RNF10: variants seen among roughly 807,000 people sequenced by gnomAD.
RNF10 encodes the protein E3 ubiquitin-protein ligase RNF10.
RNF10 carries 38 observed loss-of-function variants against 91.4 expected under a neutral mutation model. That is an observed-to-expected ratio of 0.42 (90% CI 0.32 to 0.54). RNF10 has a LOEUF of 0.54. Ranked by LOEUF, RNF10 falls within the 20% of genes least tolerant of loss-of-function variation. RNF10 has a pLI of 0.16. For missense variants in RNF10, 945 were observed against 1,012.0 expected (o/e 0.93, Z 0.90); for synonymous variants, 364 against 366.3 (o/e 0.99, Z 0.07).
intron 13 of RNF10, among the ~76,000 whole-genome samples, chr12:120,569,998 T>A (rs1876383021): frequency 6.6e-6 from 1 of 152,120 alleles, no homozygotes; most frequent in African/African-American, 2.4e-5. Flanking sequence ...GTTCAAGCGA[T>A]TCTCCTGCCC....
At chr12:120,571,519 A>G (rs1565972615) in intron 14 of RNF10, among the ~76,000 whole-genome samples, 1 of 152,088 alleles carries the variant, frequency 6.6e-6, no homozygotes, top group Non-Finnish European at 1.5e-5. Flanking sequence ...GGAAAAGGAG[A>G]GACTTAACAG....
intron 14 of RNF10, chr12:120,574,402 C>T (rs765682614): frequency 3.1e-4 from 141 of 455,278 alleles, no homozygotes; most frequent in Non-Finnish European, 5.4e-4. Flanking sequence ...CAAAGCTGGC[C>T]TTGGCCAAGT....
chr12:120,561,031 A>C (rs1205715927), intron 7 of RNF10, 145 bp downstream of exon 7: 4 of 861,466 alleles, frequency 4.6e-6, no homozygotes, highest in Non-Finnish European at 6.8e-6. Flanking sequence ...CATTTAAGAC[A>C]ATAAGCAGAG....
rs142236423 is a variant in RNF10 at position 120,573,529 on chromosome 12, A to G, written c.2143-2102A>G. Among the ~76,000 whole-genome samples the G allele has an allele frequency of 8.0e-4, 121 of 152,190 alleles. 1 individual carries two copies. Among genetic ancestry groups the G allele is most frequent in the African/African-American group, 2.7e-3 (113 of 41,504 alleles). ...AATTCACATGTCAAACTATTTGGAT[A>G]CTGTCTCAGTCCATTTGTGTGGGTA... On this transcript the variant is annotated intron_variant, in intron 14 of 16. Transcript: ENST00000325954.
chr12:120,543,925 C>T (rs1042384407), intron 1 of RNF10, among the ~76,000 whole-genome samples: 9 of 152,054 alleles, frequency 5.9e-5, no homozygotes, highest in African/African-American at 2.2e-4. Context: ...CCACTGCTTT[C>T]CACCCTGGGG....
chr12:120,576,516 C>G (rs1461551020), intron 16 of RNF10, 74 bp from the exon 17 acceptor site: 1 of 1,553,570 alleles, frequency 6.4e-7, no homozygotes, highest in Admixed American at 2.1e-5. Flanking sequence ...CTCTGTGACT[C>G]TCAGTAATGA....
chr12:120,560,634 A>G (rs775534719), intron 6 of RNF10, 92 bp from the exon 7 acceptor site: 7 of 1,265,178 alleles, frequency 5.5e-6, no homozygotes, highest in Middle Eastern at 2.2e-4. Context: ...TTTTCACCCC[A>G]GAGAAAAGGC....
At chr12:120,547,780 TG>T (rs1872536079) in intron 2 of RNF10, among the ~76,000 whole-genome samples, 1 of 152,198 alleles carries the variant, frequency 6.6e-6, no homozygotes, top group Non-Finnish European at 1.5e-5. Flanking sequence ...TGAAGGACTT[TG>T]GCTTTTGTTC....
chr12:120,574,372 A>G, intron 14 of RNF10: 1 of 447,488 alleles, frequency 2.2e-6, no homozygotes, highest in Non-Finnish European at 4.5e-6. Flanking sequence ...GTTGGGGCTC[A>G]TAGTGGCCTT....
chr12:120,534,547 C>G lies in RNF10; in HGVS notation c.-265C>G, dbSNP rs887551528. ...CAACCTCCCTCGCCTCCCCTTCCCC[C>G]GCAGCCTCCGCCCCGCCAGGCCCGG... On this transcript the variant is annotated 5_prime_UTR_variant, in exon 1 of 17. Transcript: ENST00000325954. 8 of 596,338 alleles carry G rather than the reference C, an allele frequency of 1.3e-5. No homozygotes were observed. Among genetic ancestry groups the G allele is most frequent in the Non-Finnish European group, 1.9e-5 (8 of 418,892 alleles). The allele number at this position is 596,338 out of a possible 1,614,324, so 36.9% of individuals were successfully genotyped here.
intron 14 of RNF10, among the ~76,000 whole-genome samples, chr12:120,574,090 CAT>C (rs1046601515): frequency 5.7e-4 from 87 of 152,338 alleles, no homozygotes; most frequent in African/African-American, 2.0e-3. Flanking sequence ...CAGATTTTAA[CAT>C]GAGGCTTGGG....
At chr12:120,562,876 C>T (rs1875094175) in intron 7 of RNF10, 69 bp from the exon 8 acceptor site, 1 of 1,602,288 alleles carries the variant, frequency 6.2e-7, no homozygotes, top group East Asian at 2.2e-5. Context: ...CATTCTAAGC[C>T]CTTGCCCTTC....
At chr12:120,558,569 A>G (rs932857807) in intron 6 of RNF10, among the ~76,000 whole-genome samples, 2 of 147,708 alleles carry the variant, frequency 1.4e-5, no homozygotes, top group African/African-American at 2.5e-5. Flanking sequence ...TATAATATGT[A>G]TATATATATT....
chr12:120,539,505 A>C lies in RNF10; in HGVS notation c.157+4537A>C, dbSNP rs961514244. The C allele has an allele frequency of 8.4e-6, 9 of 1,069,972 alleles. No homozygotes were observed. In the African/African-American group the frequency reaches 1.5e-4, roughly 17 times the overall value. The allele number at this position is 1,069,972 out of a possible 1,614,324, so 66.3% of individuals were successfully genotyped here. On this transcript the variant is annotated intron_variant, in intron 1 of 16. Coordinates refer to ENST00000325954, the MANE Select transcript of RNF10 (RefSeq NM_014868.5). ...GCTTGTGATTACAGCATGAATCAGC[A>C]GCAGAAACTTGCTGACTGGTATTCT...
chr12:120,546,915 CATTA>C (rs1352568786), intron 2 of RNF10, among the ~76,000 whole-genome samples: 3 of 152,122 alleles, frequency 2.0e-5, no homozygotes, highest in Admixed American at 6.5e-5. Context: ...AATAAAATGA[CATTA>C]ATGACATTTG....
chr12:120,539,870 C>G (rs993789208), intron 1 of RNF10, among the ~76,000 whole-genome samples: 13 of 151,602 alleles, frequency 8.6e-5, no homozygotes, highest in Non-Finnish European at 1.5e-5. Context: ...CAGTCTTGCT[C>G]TGTCACCCAG....
intron 14 of RNF10, among the ~76,000 whole-genome samples, chr12:120,572,734 T>C (rs921985490): frequency 6.6e-6 from 1 of 151,580 alleles, no homozygotes; most frequent in Non-Finnish European, 1.5e-5. Flanking sequence ...TAGCTGGGGT[T>C]GGGTTACAGG....
At chr12:120,537,210 C>G (rs375361486) in intron 1 of RNF10, among the ~76,000 whole-genome samples, 25 of 151,478 alleles carry the variant, frequency 1.7e-4, no homozygotes, top group African/African-American at 5.6e-4. Context: ...GAGGCTGAGG[C>G]AGGGGAGGAG....
In RNF10 at chr12:120,563,892, C is replaced by T. The variant is rs745364642; in HGVS notation, c.1614C>T (p.Pro538=). Residue 538 remains proline (P), a synonymous_variant, in exon 10 of 17, where the codon CCC becomes CCT. Transcript: ENST00000325954. Reference sequence around the variant, plus strand: ...AGTACGGCAGCCTGGAGAGGAGCCCCGAGAAGATCTCAGCAACTGTGGTGG... The same window carrying T: ...AGTACGGCAGCCTGGAGAGGAGCCCTGAGAAGATCTCAGCAACTGTGGTGG... The part of the protein sequence containing the change: ...VREYGSLERS[P]EKISATVVEI... The T allele has an allele frequency of 9.9e-6, 16 of 1,614,112 alleles. No homozygotes were observed. Among genetic ancestry groups the T allele is most frequent in the Middle Eastern group, 1.6e-4 (1 of 6,062 alleles).
Sources: allele counts gnomAD v4.1 joint callset (sites outside exome capture counted in the v4.1 genomes callset), GRCh38; gene constraint gnomAD v4.1.1; transcripts MANE v1.5; gene names NCBI Gene and HGNC (gene_info 2026-07-23, HGNC 2026-07-21).